The following ALDH3A2 variants were observed in gnomAD, a reference collection of about 807,000 sequenced individuals.
ALDH3A2 encodes the protein aldehyde dehydrogenase 3 family member A2.
Under a neutral mutation model 51.3 loss-of-function variants are expected in ALDH3A2, and 36 were observed. The ratio of observed to expected loss-of-function variants is 0.70; its 90% CI spans 0.54 to 0.93. The LOEUF (loss-of-function observed/expected upper bound fraction) is 0.93. ALDH3A2 is among the 40% of genes least tolerant of loss of function. ALDH3A2 has a pLI of 0.00. For synonymous variants in ALDH3A2, 199 were observed against 219.8 expected (o/e 0.91, Z 0.84); for missense variants, 552 against 603.1 (o/e 0.92, Z 0.89).
intron 8 of ALDH3A2, among the ~76,000 whole-genome samples, chr17:19,666,041 C>A (rs1436419519): frequency 6.6e-6 from 1 of 152,050 alleles, no homozygotes; most frequent in Non-Finnish European, 1.5e-5. Context: ...CAGTGACTGA[C>A]ATGAGTGAGG....
chr17:19,666,778 A>T (rs906607838), intron 8 of ALDH3A2, among the ~76,000 whole-genome samples: 1 of 143,906 alleles, frequency 6.9e-6, no homozygotes, highest in African/African-American at 2.5e-5. Flanking sequence ...CTCCGATCTC[A>T]AAATAAATAA....
At chr17:19,656,228 C>T in intron 3 of ALDH3A2, 138 bp from the exon 4 acceptor site, 2 of 822,544 alleles carry the variant, frequency 2.4e-6, no homozygotes, top group Admixed American at 4.0e-5. Flanking sequence ...TCAGTTCCCT[C>T]TCCCATCCCT....
chr17:19,673,086 C>T (rs2085139802), intron 9 of ALDH3A2: 2 of 1,606,616 alleles, frequency 1.2e-6, no homozygotes, highest in Non-Finnish European at 1.7e-6. Context: ...GCTCATCTTA[C>T]AGTATCCCAG....
chr17:19,673,135 A>G, intron 9 of ALDH3A2: 1 of 1,614,174 alleles, frequency 6.2e-7, no homozygotes, highest in Non-Finnish European at 8.5e-7. Context: ...ATTTGAAATC[A>G]TTTGGGTTTT....
rs138404169 is a variant in ALDH3A2 at position 19,655,102 on chromosome 17, T to C, written c.472-1264T>C. 8.6e-3 allele frequency among the ~76,000 whole-genome samples: 1,307 copies of C among 152,330 alleles called. 22 individuals are homozygous for C. The highest frequency in any genetic ancestry group is 0.029 in the African/African-American group (1,215 of 41,568). On this transcript the variant is annotated intron_variant, in intron 3 of 9. Transcript: ENST00000176643. ...TTATGCCTTCCTGGGGAGGAAGTTA[T>C]GATGCCGCGAAGAAATTGGCACTGC...
chr17:19,657,640 T>C (rs1597557510), intron 4 of ALDH3A2, 105 bp from the exon 5 acceptor site: 2 of 878,340 alleles, frequency 2.3e-6, no homozygotes, highest in East Asian at 2.5e-5. Context: ...CAGATAAATA[T>C]ATGAATCTAT....
chr17:19,648,533 G>C (rs1306897077), upstream of ALDH3A2: 1 of 162,046 alleles, frequency 6.2e-6, no homozygotes. Flanking sequence ...GCCCCGGGGC[G>C]CTCTCAGCAG....
At chr17:19,667,134 T>C (rs2085049471) in intron 8 of ALDH3A2, among the ~76,000 whole-genome samples, 1 of 152,188 alleles carries the variant, frequency 6.6e-6, no homozygotes, top group South Asian at 2.1e-4. Context: ...CACACACATA[T>C]ACACGGTCAT....
intron 3 of ALDH3A2, 117 bp from the exon 4 acceptor site, chr17:19,656,249 G>A: frequency 1.1e-6 from 1 of 939,562 alleles, no homozygotes. Flanking sequence ...CACAGGGACT[G>A]GTCTTGACAC....
rs1210811225 is a variant in ALDH3A2 at position 19,677,581 on chromosome 17, TTA to T, written c.*2011_*2012del. ...AAATTCTCCCCAACTATAAATCATT[TTA>T]TGTCTTTATCATAGATGGTATTTGT... On this transcript the variant is annotated 3_prime_UTR_variant, in exon 10 of 10. Transcript: ENST00000176643. 1 of 152,230 alleles carries T rather than the reference TTA, an allele frequency of 6.6e-6. No homozygotes were observed. The highest frequency in any genetic ancestry group is 1.5e-5 in the Non-Finnish European group (1 of 68,044). 9.4% of individuals were successfully genotyped at this position (152,230 alleles called of 1,614,324 possible). A position where few individuals can be genotyped will look rare whatever the true frequency, so the allele number is the denominator to read the frequency against.
At chr17:19,658,634 C>A (rs114624073) in intron 5 of ALDH3A2, among the ~76,000 whole-genome samples, 1 of 151,306 alleles carries the variant, frequency 6.6e-6, no homozygotes, top group South Asian at 2.1e-4. Flanking sequence ...GGCTAAGGCA[C>A]GAGATTTGCT....
In ALDH3A2 at chr17:19,677,356, G is replaced by C. The variant is rs888744396; in HGVS notation, c.*1784G>C. 2 of 152,172 alleles carry C rather than the reference G, an allele frequency of 1.3e-5. No homozygotes were observed. The highest frequency in any genetic ancestry group is 2.9e-5 in the Non-Finnish European group (2 of 68,018). The allele number at this position is 152,172 out of a possible 1,614,324, so 9.4% of individuals were successfully genotyped here. A position where few individuals can be genotyped will look rare whatever the true frequency, so the allele number is the denominator to read the frequency against. ...TTAGGAAAAAGCTGCTTAAAACTGT[G>C]GCTCTAAGAGAGTAATCATAAAATA... On this transcript the variant is annotated 3_prime_UTR_variant, in exon 10 of 10. Transcript: ENST00000176643.
chr17:19,649,140 G>A lies in ALDH3A2; in HGVS notation c.153+16G>A, dbSNP rs1375042930. On this transcript the variant is annotated intron_variant, in intron 1 of 9. Transcript: ENST00000176643. The stretch of plus-strand genomic sequence containing the variant: ...CCTGTGCAAGGTACGCACGCGTGCG[G>A]CGGGGTGTGGGGAAACTGGCCCCCG... The A allele has an allele frequency of 6.4e-7, 1 of 1,552,452 alleles. No individual in the cohort carries two copies. The highest frequency in any genetic ancestry group is 8.7e-7 in the Non-Finnish European group (1 of 1,145,660).
rs779401237 is a variant in ALDH3A2 at position 19,649,065 on chromosome 17, A to G, written c.94A>G (p.Arg32Gly). 6.3e-7 allele frequency: 1 copy of G among 1,583,852 alleles called. No homozygotes were observed. The highest frequency in any genetic ancestry group is 1.2e-5 in the South Asian group (1 of 86,752). Residue 32 changes from arginine (R) to glycine (G), a missense_variant, in exon 1 of 10, where the codon AGG becomes GGG. Physicochemically the swap from Arg to Gly is moderately radical, Grantham distance 125. Transcript: ENST00000176643. ...FRLQQLEALR[R>G]MVQEREKDIL... ...GCTGCAGCAGCTGGAGGCCCTGCGG[A>G]GGATGGTGCAGGAGCGCGAGAAGGA...
In ALDH3A2 at chr17:19,649,082, C is replaced by T. The variant is rs1311229673; in HGVS notation, c.111C>T (p.Arg37=). Residue 37 remains arginine (R), a synonymous_variant, in exon 1 of 10, where the codon CGC becomes CGT. Coordinates refer to ENST00000176643, the MANE Select transcript of ALDH3A2 (RefSeq NM_000382.3). ...LEALRRMVQE[R]EKDILTAIAA... ...CCCTGCGGAGGATGGTGCAGGAGCG[C>T]GAGAAGGATATCCTGACGGCCATCG... 6.3e-7 allele frequency: 1 copy of T among 1,583,332 alleles called. No individual in the cohort carries two copies. Among genetic ancestry groups the T allele is most frequent in the South Asian group, 1.2e-5 (1 of 86,714 alleles).
chr17:19,656,287 T>G, intron 3 of ALDH3A2, 79 bp from the exon 4 acceptor site: 2 of 1,254,426 alleles, frequency 1.6e-6, no homozygotes, highest in Non-Finnish European at 2.3e-6. Context: ...ATGTTACATG[T>G]TTATGTTGAA....
chr17:19,665,280 C>T (rs1351610454), intron 8 of ALDH3A2, among the ~76,000 whole-genome samples: 1 of 152,022 alleles, frequency 6.6e-6, no homozygotes, highest in Non-Finnish European at 1.5e-5. Context: ...TGACTGACCA[C>T]AGCTTTGTTC....
At chr17:19,664,791 G>T (rs1290332348) in intron 7 of ALDH3A2, among the ~76,000 whole-genome samples, 157 bp from the exon 8 acceptor site, 1 of 152,140 alleles carries the variant, frequency 6.6e-6, no homozygotes, top group Non-Finnish European at 1.5e-5. Context: ...TGTCTATCTG[G>T]CATGGTGTCC....
At chr17:19,670,589 G>A (rs2085099316) in intron 8 of ALDH3A2, among the ~76,000 whole-genome samples, 1 of 147,274 alleles carries the variant, frequency 6.8e-6, no homozygotes, top group South Asian at 2.1e-4. Context: ...TTGAGACGGA[G>A]TCTCGCTCTG....
Sources: gnomAD v4.1 joint callset for allele counts (sites outside exome capture counted in the v4.1 genomes callset) on GRCh38, gnomAD v4.1.1 for gene constraint, MANE v1.5 for transcripts, NCBI Gene and HGNC (gene_info 2026-07-23, HGNC 2026-07-21) for gene names.